ACBD6: variants seen among roughly 807,000 people sequenced by gnomAD.
ACBD6 encodes acyl-CoA binding domain containing 6.
A neutral mutation model predicts 37.2 loss-of-function variants in ACBD6; 28 were observed. That is an observed-to-expected ratio of 0.75 (90% CI 0.56 to 1.03). The LOEUF is 1.03. Ranked by LOEUF, ACBD6 falls within the 50% of genes least tolerant of loss-of-function variation. The pLI, the probability that ACBD6 is intolerant of heterozygous loss-of-function variation, is 0.00. For missense variants in ACBD6, 340 were observed against 337.4 expected, an observed-to-expected ratio of 1.01 and a Z score of -0.06; for synonymous variants, 113 against 126.8, an observed-to-expected ratio of 0.89 and a Z score of 0.73.
At chr1:180,431,118 A>T (rs996049794) in intron 3 of ACBD6, among the ~76,000 whole-genome samples, 2 of 151,864 alleles carry the variant, frequency 1.3e-5, no homozygotes, top group Non-Finnish European at 2.9e-5. Flanking sequence ...GTCAATCCCC[A>T]TACACATTTT....
chr1:180,424,797 T>C (rs1648517098), intron 4 of ACBD6, among the ~76,000 whole-genome samples: 1 of 151,806 alleles, frequency 6.6e-6, no homozygotes, highest in Non-Finnish European at 1.5e-5. Flanking sequence ...GAAGAAAAGG[T>C]GATGGTTTCA....
At chr1:180,303,388 A>G (rs1379342229) in intron 7 of ACBD6, among the ~76,000 whole-genome samples, 2 of 151,092 alleles carry the variant, frequency 1.3e-5, no homozygotes, top group African/African-American at 4.8e-5. Context: ...AAGAGAGAAG[A>G]ATCAAATAGA....
At chr1:180,321,109 A>G (rs185369181) in intron 6 of ACBD6, among the ~76,000 whole-genome samples, 25 of 152,192 alleles carry the variant, frequency 1.6e-4, no homozygotes, top group Admixed American at 4.6e-4. Context: ...ATAGGTGTAT[A>G]GATTTGTTTC....
chr1:180,435,462 A>G, intron 3 of ACBD6: 3 of 482,768 alleles, frequency 6.2e-6, no homozygotes, highest in Non-Finnish European at 7.4e-6. Flanking sequence ...ACCGTTAGCC[A>G]GGATGGTCTC....
intron 1 of ACBD6, among the ~76,000 whole-genome samples, chr1:180,501,692 C>T (rs1651982943): frequency 6.6e-6 from 1 of 152,136 alleles, no homozygotes; most frequent in East Asian, 1.9e-4. Flanking sequence ...GTATTTACTT[C>T]CATGTGGCCC....
rs576607246 is a variant in ACBD6, at chr1:180,271,595, T to C, written c.*1630A>G. ...CCAGGCCCGGGACAGGGGTGGAAGGTATCCTGAGTGACATCAGCTCACGGG... is the reference window on the plus strand; with the variant it reads ...CCAGGCCCGGGACAGGGGTGGAAGGCATCCTGAGTGACATCAGCTCACGGG... On this transcript the variant is annotated 3_prime_UTR_variant, in exon 14 of 14. Transcript: ENST00000642319. The C allele has an allele frequency of 1.8e-5, 28 of 1,593,398 alleles. No individual in the cohort carries two copies. The South Asian group carries it at 2.1e-4, about 12-fold the overall frequency.
chr1:180,399,593 T>C (rs965767473), intron 5 of ACBD6, among the ~76,000 whole-genome samples: 1 of 152,176 alleles, frequency 6.6e-6, no homozygotes, highest in Non-Finnish European at 1.5e-5. Context: ...GTGGAGACAA[T>C]TCTAAAAGTC....
intron 5 of ACBD6, among the ~76,000 whole-genome samples, chr1:180,397,943 C>G (rs1025659369): frequency 1.3e-5 from 2 of 152,034 alleles, no homozygotes; most frequent in Non-Finnish European, 2.9e-5. Context: ...ATCCCAGCTA[C>G]TTGGGAGGAT....
At chr1:180,497,506 T>C (rs964600190) in intron 1 of ACBD6, among the ~76,000 whole-genome samples, 11 of 152,194 alleles carry the variant, frequency 7.2e-5, no homozygotes, top group African/African-American at 2.7e-4. Context: ...TCTCAGAAAT[T>C]AAGGATCTTA....
intron 4 of ACBD6, among the ~76,000 whole-genome samples, chr1:180,419,228 G>C (rs1382502774): frequency 1.3e-5 from 2 of 152,208 alleles, no homozygotes; most frequent in Non-Finnish European, 2.9e-5. Context: ...TCCAGCCTGG[G>C]TGACAGAGCG....
chr1:180,270,871 TGCA>T, exon 14 of ACBD6: 15 of 220,958 alleles, frequency 6.8e-5, no homozygotes, highest in South Asian at 2.1e-4. Context: ...CTGTTGGGTG[TGCA>T]AGCTCACCCC....
chr1:180,401,743 G>A (rs1409171746), intron 5 of ACBD6, among the ~76,000 whole-genome samples: 1 of 147,914 alleles, frequency 6.8e-6, no homozygotes, highest in East Asian at 2.0e-4. Flanking sequence ...AGATGAGATC[G>A]TGCCACTGTA....
At chr1:180,390,872 T>G (rs1268294315) in intron 6 of ACBD6, among the ~76,000 whole-genome samples, 1 of 152,094 alleles carries the variant, frequency 6.6e-6, no homozygotes, top group Non-Finnish European at 1.5e-5. Context: ...GGGCCCAGAA[T>G]AGCCAAAACA....
intron 7 of ACBD6, among the ~76,000 whole-genome samples, chr1:180,299,984 G>A (rs1438407929): frequency 6.6e-6 from 1 of 152,096 alleles, no homozygotes; most frequent in Non-Finnish European, 1.5e-5. Context: ...TAGTAAGGAC[G>A]TACAGTAGTA....
At chr1:180,428,548 A>C (rs908723434) in intron 4 of ACBD6, among the ~76,000 whole-genome samples, 1 of 152,224 alleles carries the variant, frequency 6.6e-6, no homozygotes, top group Non-Finnish European at 1.5e-5. Context: ...AATACAGTTT[A>C]ACTCTATCTC....
intron 7 of ACBD6, among the ~76,000 whole-genome samples, chr1:180,290,084 T>C (rs941979932): frequency 6.6e-6 from 1 of 152,226 alleles, no homozygotes; most frequent in Non-Finnish European, 1.5e-5. Context: ...AAATTCTTCA[T>C]ATACATTTTA....
chr1:180,343,002 A>C (rs1652036137), intron 6 of ACBD6, among the ~76,000 whole-genome samples: 1 of 152,068 alleles, frequency 6.6e-6, no homozygotes, highest in Non-Finnish European at 1.5e-5. Flanking sequence ...TTTATCTTAA[A>C]GGAAATGTTC....
chr1:180,501,913 AAAAAAC>A (rs1651994930), intron 1 of ACBD6, 126 bp downstream of exon 1: 14 of 893,230 alleles, frequency 1.6e-5, no homozygotes, highest in Middle Eastern at 2.2e-4. Flanking sequence ...GTCAAAAAAA[AAAAAAC>A]AAAACAAAAT....
intron 3 of ACBD6, among the ~76,000 whole-genome samples, chr1:180,437,529 T>C (rs1649094339): frequency 6.6e-6 from 1 of 152,024 alleles, no homozygotes; most frequent in African/African-American, 2.4e-5. Flanking sequence ...AGTTTGAAAG[T>C]TTTTCCTAAA....
Sources: gnomAD v4.1 joint callset for allele counts (sites outside exome capture counted in the v4.1 genomes callset) on GRCh38, gnomAD v4.1.1 for gene constraint, MANE v1.5 for transcripts, NCBI Gene and HGNC (gene_info 2026-07-23, HGNC 2026-07-21) for gene names.